Variants in SUCO observed in about 807,000 individuals in gnomAD.
SUCO encodes SUN domain-containing ossification factor.
A neutral mutation model predicts 148.1 loss-of-function variants in SUCO; 57 were observed. The ratio of observed to expected loss-of-function variants is 0.38; its 90% confidence interval spans 0.31 to 0.48. The LOEUF (loss-of-function observed/expected upper bound fraction) is 0.48, where lower values mean the gene tolerates loss of function less well. Ranked by LOEUF, SUCO falls within the 20% of genes least tolerant of loss-of-function variation. SUCO has a pLI of 0.96. For missense variants in SUCO, 1,331 were observed against 1,468.2 expected, an observed-to-expected ratio of 0.91 and a Z score of 1.53; for synonymous variants, 470 against 502.7, an observed-to-expected ratio of 0.93 and a Z score of 0.87.
Position 172,564,763 on chromosome 1 carries a change from A to T in SUCO, c.733-4256A>T, listed in dbSNP as rs527263951. On this transcript the variant is annotated intron_variant, in intron 6 of 23. Coordinates refer to ENST00000263688, the MANE Select transcript of SUCO (RefSeq NM_014283.5). ...ATGCAAGATTTCTCCCTCATATAAAATTACTCTTTTTTTATATCCTTTGCA... is the reference window on the plus strand; with the variant it reads ...ATGCAAGATTTCTCCCTCATATAAATTTACTCTTTTTTTATATCCTTTGCA... Among the ~76,000 whole-genome samples the T allele has an allele frequency of 2.0e-5, 3 of 152,284 alleles. No individual in the cohort carries two copies. The South Asian group carries it at 6.2e-4, about 32-fold the overall frequency.
chr1:172,553,242 GT>G lies in SUCO; in HGVS notation c.178-16del. 1 of 1,530,534 alleles carries G rather than the reference GT, an allele frequency of 6.5e-7. No homozygotes were observed. Among genetic ancestry groups the G allele is most frequent in the Non-Finnish European group, 8.8e-7 (1 of 1,132,012 alleles). 94.8% of individuals were successfully genotyped at this position (1,530,534 alleles called of 1,614,324 possible). On this transcript the variant is annotated splice_polypyrimidine_tract_variant and intron_variant, in intron 2 of 23. Transcript: ENST00000263688. ...AAAACAGTTTTATCAGGTGATTTTT[GT>G]TGTTGTTGTTATATAGGATGAAAGA...
intron 3 of SUCO, among the ~76,000 whole-genome samples, chr1:172,554,010 T>A (rs1397291178): frequency 6.6e-6 from 1 of 152,168 alleles, no homozygotes; most frequent in Non-Finnish European, 1.5e-5. Context: ...ATCTCGAATA[T>A]TAAAAAAAGA....
intron 19 of SUCO, among the ~76,000 whole-genome samples, chr1:172,598,006 C>A (rs1315977639): frequency 1.3e-5 from 2 of 152,052 alleles, no homozygotes; most frequent in Admixed American, 1.3e-4. Flanking sequence ...GAAATATTTG[C>A]CTAACGCAAA....
chr1:172,572,157 T>G (rs1655061220), intron 9 of SUCO, among the ~76,000 whole-genome samples: 1 of 138,688 alleles, frequency 7.2e-6, no homozygotes, highest in Non-Finnish European at 1.6e-5. Context: ...TACTGGGAAG[T>G]GAGGAGCCCC....
intron 1 of SUCO, among the ~76,000 whole-genome samples, 188 bp from the exon 2 acceptor site, chr1:172,551,324 A>G (rs1023402653): frequency 2.0e-5 from 3 of 152,094 alleles, no homozygotes; most frequent in Admixed American, 6.6e-5. Flanking sequence ...TGCTGATAAT[A>G]ATGTTTATGT....
intron 22 of SUCO, among the ~76,000 whole-genome samples, chr1:172,607,705 A>G (rs1160442580): frequency 6.6e-6 from 1 of 151,766 alleles, no homozygotes; most frequent in Admixed American, 6.6e-5. Context: ...AGTTGCTTTC[A>G]TTGTAGAGGT....
chr1:172,533,257 G>A lies in SUCO; in HGVS notation c.-179G>A. 1.3e-6 allele frequency: 2 copies of A among 1,548,818 alleles called. No homozygotes were observed. The highest frequency in any genetic ancestry group is 2.3e-4 in the Middle Eastern group (1 of 4,394). ...GCGCCCCTGTCCGCGCCTCTGTGGG[G>A]CCCTCAGAGAGGGCTGCCAGGACGC... On this transcript the variant is annotated 5_prime_UTR_variant, in exon 1 of 24. Transcript: ENST00000263688.
chr1:172,600,010 A>G lies in SUCO; in HGVS notation c.2914-54A>G, dbSNP rs944852336. ...TTTAGATTATTTGACTTCAATTTATAATGTTAATAGTTTGTAGTTAATATT... is the reference window on the plus strand; with the variant it reads ...TTTAGATTATTTGACTTCAATTTATGATGTTAATAGTTTGTAGTTAATATT... On this transcript the variant is annotated intron_variant, in intron 19 of 23. Coordinates refer to ENST00000263688, the MANE Select transcript of SUCO (RefSeq NM_014283.5). 12 of 1,179,172 alleles carry G rather than the reference A, an allele frequency of 1.0e-5. No individual in the cohort carries two copies. The African/African-American group carries it at 1.9e-4, about 19-fold the overall frequency. The allele number at this position is 1,179,172 out of a possible 1,614,324, so 73.0% of individuals were successfully genotyped here.
intron 6 of SUCO, chr1:172,568,270 T>C (rs1654699081): frequency 2.1e-6 from 2 of 959,990 alleles, no homozygotes; most frequent in Middle Eastern, 5.3e-4. Flanking sequence ...GAAATTGTAT[T>C]TCTTTTTACA....
intron 1 of SUCO, chr1:172,543,039 TAA>T (rs368459576): frequency 1.6e-4 from 132 of 824,782 alleles, no homozygotes; most frequent in Non-Finnish European, 1.8e-4. Context: ...GAAGAGTACA[TAA>T]AAAAAAAAAA....
At chr1:172,538,713 T>C (rs961265277) in intron 1 of SUCO, among the ~76,000 whole-genome samples, 2 of 152,228 alleles carry the variant, frequency 1.3e-5, no homozygotes, top group African/African-American at 4.8e-5. Context: ...CAAAAATGAT[T>C]TTTTTAGTGG....
intron 1 of SUCO, among the ~76,000 whole-genome samples, chr1:172,537,563 C>A (rs1007672520): frequency 1.3e-5 from 2 of 152,146 alleles, no homozygotes; most frequent in Non-Finnish European, 2.9e-5. Context: ...GAAACATAAA[C>A]CACAGTGAAT....
intron 19 of SUCO, among the ~76,000 whole-genome samples, chr1:172,598,069 A>G (rs182434906): frequency 2.4e-4 from 37 of 152,294 alleles, no homozygotes; most frequent in African/African-American, 8.7e-4. Context: ...GTTTAGTTTT[A>G]TATTAGGCCC....
intron 15 of SUCO, among the ~76,000 whole-genome samples, chr1:172,580,337 T>A (rs1655792885): frequency 6.6e-6 from 1 of 152,210 alleles, no homozygotes. Context: ...TCAACTTTAT[T>A]ACATATCAGT....
At chr1:172,570,224 A>C (rs1251568137) in intron 8 of SUCO, 53 bp downstream of exon 8, 1 of 1,107,160 alleles carries the variant, frequency 9.0e-7, no homozygotes, top group African/African-American at 1.6e-5. Flanking sequence ...CGACTTTTTA[A>C]AATACAGGTT....
chr1:172,557,326 A>G lies in SUCO; in HGVS notation c.490A>G (p.Thr164Ala). The change falls in exon 5 of 24, where the codon ACT becomes GCT. Residue 164 changes from threonine to alanine, a missense_variant. Transcript: ENST00000263688. ...TATTCCGATAGCCAAACCAAGTGAA[A>G]CTGAGCAGTCTGAAACTGATTGTGA... ...GTIPIAKPSE[T>A]EQSETDCDVG... 6.2e-7 allele frequency: 1 copy of G among 1,614,024 alleles called. No homozygotes were observed. Among genetic ancestry groups the G allele is most frequent in the Non-Finnish European group, 8.5e-7 (1 of 1,179,916 alleles).
At chr1:172,586,721 A>G (rs997534853) in intron 17 of SUCO, among the ~76,000 whole-genome samples, 3 of 152,192 alleles carry the variant, frequency 2.0e-5, no homozygotes, top group Non-Finnish European at 4.4e-5. Flanking sequence ...ACTTAGTTCA[A>G]GATAGTATGT....
At chr1:172,586,010 T>TA (rs1335185345) in intron 17 of SUCO, 62 bp downstream of exon 17, 2 of 1,059,314 alleles carry the variant, frequency 1.9e-6, no homozygotes, top group East Asian at 2.5e-5. Context: ...TATATTAGTA[T>TA]AAAAAAAGGA....
intron 10 of SUCO, among the ~76,000 whole-genome samples, chr1:172,575,151 A>G (rs1160185649): frequency 2.0e-5 from 3 of 152,018 alleles, no homozygotes; most frequent in Non-Finnish European, 4.4e-5. Context: ...TTCTCTTTCC[A>G]CCAGTACTTG....
Sources: gnomAD v4.1 joint callset for allele counts (sites outside exome capture counted in the v4.1 genomes callset) on GRCh38, gnomAD v4.1.1 for gene constraint, MANE v1.5 for transcripts, NCBI Gene and HGNC (gene_info 2026-07-23, HGNC 2026-07-21) for gene names.